WWOX: variants seen among roughly 807,000 people sequenced by gnomAD.
WWOX encodes WW domain-containing oxidoreductase.
In WWOX, 69 loss-of-function variants were observed where a neutral mutation model predicts 46.2. That is an observed-to-expected ratio of 1.49 (90% CI 1.23 to 1.82). The LOEUF (loss-of-function observed/expected upper bound fraction) is 1.82. Among genes scored for constraint, WWOX ranks in the 40% most tolerant of loss-of-function variants. WWOX has a pLI of 0.00. For synonymous variants in WWOX, 359 were observed against 202.6 expected, an observed-to-expected ratio of 1.77 and a Z score of -6.56; for missense variants, 919 against 542.6, an observed-to-expected ratio of 1.69 and a Z score of -6.89.
At chr16:78,402,153 G>T (rs1410947476) in intron 6 of WWOX, among the ~76,000 whole-genome samples, 1 of 152,114 alleles carries the variant, frequency 6.6e-6, no homozygotes, top group African/African-American at 2.4e-5. Flanking sequence ...ACTTCCTCCA[G>T]TCCCAAGGCA....
chr16:78,642,433 C>G (rs1473457393), intron 8 of WWOX, among the ~76,000 whole-genome samples: 1 of 152,152 alleles, frequency 6.6e-6, no homozygotes, highest in Non-Finnish European at 1.5e-5. Flanking sequence ...GGGCTCCCTG[C>G]TTTTATTTCG....
intron 8 of WWOX, among the ~76,000 whole-genome samples, chr16:78,524,165 CTCTT>C (rs2043407579): frequency 6.6e-6 from 1 of 152,136 alleles, no homozygotes; most frequent in South Asian, 2.1e-4. Flanking sequence ...CTTCTTTCTG[CTCTT>C]TTTCTCTTTA....
rs111938349 is a variant in WWOX, at chr16:78,658,550, T to C, written c.1056+225798T>C. Among the ~76,000 whole-genome samples the C allele has an allele frequency of 2.7e-3, 409 of 152,280 alleles. 2 individuals are homozygous for C. Among genetic ancestry groups the C allele is most frequent in the Non-Finnish European group, 4.5e-3 (308 of 68,018 alleles). ...GCAGAGTTGGTTCCTCCCGGGGCTC[T>C]CAGTGAAAGCCTGCTCCGTGCCTCT... On this transcript the variant is annotated intron_variant, in intron 8 of 8. Transcript: ENST00000566780.
At chr16:78,676,586 G>T (rs114589594) in intron 8 of WWOX, among the ~76,000 whole-genome samples, 2,580 of 152,178 alleles carry the variant, frequency 0.017, 79 homozygotes, top group African/African-American at 0.059. Context: ...GAAATATCGG[G>T]CACTCTGCTC....
chr16:79,086,798 G>A (rs998034570), intron 8 of WWOX, among the ~76,000 whole-genome samples: 1 of 152,238 alleles, frequency 6.6e-6, no homozygotes, highest in African/African-American at 2.4e-5. Context: ...CAGGAGGACT[G>A]CTTCACGCTG....
At chr16:78,944,192 C>G (rs566641436) in intron 8 of WWOX, among the ~76,000 whole-genome samples, 2 of 152,074 alleles carry the variant, frequency 1.3e-5, no homozygotes, top group African/African-American at 4.8e-5. Flanking sequence ...ACAACACATC[C>G]CATCCTTCTG....
intron 8 of WWOX, among the ~76,000 whole-genome samples, chr16:78,844,783 T>C (rs570454921): frequency 6.6e-6 from 1 of 152,250 alleles, no homozygotes; most frequent in Non-Finnish European, 1.5e-5. Context: ...TGTATATTTA[T>C]GTATCCCCGG....
At chr16:78,351,239 G>C (rs554244288) in intron 5 of WWOX, among the ~76,000 whole-genome samples, 2 of 152,264 alleles carry the variant, frequency 1.3e-5, no homozygotes, top group Middle Eastern at 3.4e-3. Context: ...ACTGCTCCCC[G>C]ATTACAATAT....
chr16:78,700,324 G>A (rs924829074), intron 8 of WWOX, among the ~76,000 whole-genome samples: 1 of 39,048 alleles, frequency 2.6e-5, no homozygotes, highest in Admixed American at 1.5e-4. Context: ...GAGAGAGAGA[G>A]AGAGAGAGAG....
intron 8 of WWOX, among the ~76,000 whole-genome samples, chr16:79,033,984 G>T (rs749058329): frequency 1.3e-5 from 2 of 152,196 alleles, no homozygotes; most frequent in African/African-American, 2.4e-5. Context: ...GGGTCACGCA[G>T]GGGACTCCTG....
At chr16:79,073,837 A>T (rs959286387) in intron 8 of WWOX, among the ~76,000 whole-genome samples, 1 of 152,170 alleles carries the variant, frequency 6.6e-6, no homozygotes, top group Non-Finnish European at 1.5e-5. Flanking sequence ...GTTCGTAACT[A>T]TTTGTCAAAA....
At chr16:78,541,426 A>ATG (rs1252042344) in intron 8 of WWOX, among the ~76,000 whole-genome samples, 17 of 130,464 alleles carry the variant, frequency 1.3e-4, no homozygotes, top group African/African-American at 4.8e-4. Context: ...GTGAGCCGAG[A>ATG]GCCCGCCACT....
intron 8 of WWOX, among the ~76,000 whole-genome samples, chr16:78,877,864 C>G (rs575331784): frequency 7.2e-5 from 11 of 152,288 alleles, no homozygotes; most frequent in African/African-American, 2.6e-4. Flanking sequence ...CATTTTATAG[C>G]TAAGCCCAGC....
At chr16:78,387,049 T>A (rs774176590) in intron 6 of WWOX, 101 bp downstream of exon 6, 5 of 1,253,412 alleles carry the variant, frequency 4.0e-6, no homozygotes, top group Non-Finnish European at 5.8e-6. Context: ...TTGTGTTGTC[T>A]TGGCGTCCAA....
chr16:78,457,458 C>G (rs982865083), intron 8 of WWOX, among the ~76,000 whole-genome samples: 1 of 152,148 alleles, frequency 6.6e-6, no homozygotes, highest in Admixed American at 6.5e-5. Flanking sequence ...GTGAATTTCA[C>G]CAATTGGTAG....
chr16:78,524,919 G>A (rs2043428054), intron 8 of WWOX, among the ~76,000 whole-genome samples: 1 of 139,528 alleles, frequency 7.2e-6, no homozygotes, highest in Non-Finnish European at 1.5e-5. Flanking sequence ...AGGCTGGAGT[G>A]CAGTGACGTG....
intron 8 of WWOX, among the ~76,000 whole-genome samples, chr16:78,868,254 G>A (rs373878423): frequency 1.4e-4 from 21 of 152,216 alleles, no homozygotes; most frequent in African/African-American, 4.1e-4. Flanking sequence ...AAAACATTAC[G>A]CTAAGTGAAG....
chr16:78,999,865 T>C (rs190025916), intron 8 of WWOX, among the ~76,000 whole-genome samples: 126 of 152,268 alleles, frequency 8.3e-4, no homozygotes, highest in African/African-American at 2.9e-3. Flanking sequence ...TACATAAAAC[T>C]TTATAAAAAA....
At chr16:79,208,146 A>G (rs1377160228) in intron 8 of WWOX, among the ~76,000 whole-genome samples, 2 of 152,212 alleles carry the variant, frequency 1.3e-5, no homozygotes, top group Non-Finnish European at 2.9e-5. Flanking sequence ...GTAATTTTAC[A>G]TATACTCTCA....
Sources: allele counts gnomAD v4.1 joint callset (sites outside exome capture counted in the v4.1 genomes callset), GRCh38; gene constraint gnomAD v4.1.1; transcripts MANE v1.5; gene names NCBI Gene and HGNC (gene_info 2026-07-23, HGNC 2026-07-21).